SART1: variants seen among roughly 807,000 people sequenced by gnomAD.
The protein encoded by SART1 is spliceosome associated factor 1, recruiter of U4/U6.U5 tri-snRNP.
Under a neutral mutation model 105.0 loss-of-function variants are expected in SART1, and 28 were observed. The ratio of observed to expected loss-of-function variants is 0.27; its 90% CI spans 0.20 to 0.37. SART1 has a LOEUF of 0.37. Among genes scored for constraint, SART1 ranks in the 10% least tolerant of loss-of-function variants. The pLI, the probability that SART1 is intolerant of heterozygous loss-of-function variation, is 1.00. For missense variants in SART1, 894 were observed against 1,106.5 expected, an observed-to-expected ratio of 0.81 and a Z score of 2.72; for synonymous variants, 472 against 462.9, an observed-to-expected ratio of 1.02 and a Z score of -0.25.
intron 12 of SART1, among the ~76,000 whole-genome samples, chr11:65,969,178 G>A (rs899626474): frequency 6.6e-6 from 1 of 152,168 alleles, no homozygotes; most frequent in South Asian, 2.1e-4. Flanking sequence ...CGTATTTGAG[G>A]TTTAAGGGCA....
Position 65,972,893 on chromosome 11 carries a change from C to T in SART1, c.1573-3502C>T, listed in dbSNP as rs373968636. On this transcript the variant is annotated intron_variant, in intron 12 of 19. Coordinates refer to ENST00000312397, the MANE Select transcript of SART1 (RefSeq NM_005146.5). Reference sequence around the variant, plus strand: ...ACTACATAGAAATTGAGAACGTGGCCGGGCGCGATGGCTCACGCCTGTAAT... The same window carrying T: ...ACTACATAGAAATTGAGAACGTGGCTGGGCGCGATGGCTCACGCCTGTAAT... Among the ~76,000 whole-genome samples the T allele has an allele frequency of 2.3e-3, 355 of 152,102 alleles. 3 individuals are homozygous for T. Among genetic ancestry groups the T allele is most frequent in the African/African-American group, 6.9e-3 (288 of 41,504 alleles).
At position 65,964,586 on chromosome 11, in the gene SART1, AG is replaced by A; in HGVS notation, c.427+18del. On this transcript the variant is annotated intron_variant, in intron 3 of 19. Transcript: ENST00000312397. ...ATCAAGAAGGGTGAGTATGGGGCTGAGGATAGGGTTTGGGGGAAAGAGGCCA... is the reference window on the plus strand; with the variant it reads ...ATCAAGAAGGGTGAGTATGGGGCTGAGATAGGGTTTGGGGGAAAGAGGCCA... The A allele has an allele frequency of 6.2e-7, 1 of 1,600,826 alleles. No homozygotes were observed. Among genetic ancestry groups the A allele is most frequent in the Non-Finnish European group, 8.5e-7 (1 of 1,176,432 alleles).
At position 65,965,798 on chromosome 11, in the gene SART1, TGGTACA is replaced by T. The variant is rs1224254811; in HGVS notation, c.738+22_738+27del. ...GCGGCAGGTGAGGCTGCAGCAGGGGTGGTACAGGGGACACTGGTGGCCTTGCTACCG... is the reference window on the plus strand; with the variant it reads ...GCGGCAGGTGAGGCTGCAGCAGGGGTGGGGACACTGGTGGCCTTGCTACCG... On this transcript the variant is annotated intron_variant, in intron 6 of 19. Transcript: ENST00000312397. 3 of 1,613,004 alleles carry T rather than the reference TGGTACA, an allele frequency of 1.9e-6. No individual in the cohort carries two copies. Among genetic ancestry groups the T allele is most frequent in the Non-Finnish European group, 2.5e-6 (3 of 1,179,686 alleles).
At chr11:65,967,900 C>A in intron 12 of SART1, 79 bp downstream of exon 12, 8 of 1,088,902 alleles carry the variant, frequency 7.3e-6, no homozygotes, top group South Asian at 1.9e-5. Flanking sequence ...GCGACAGCCA[C>A]ATTCCTGTCT....
chr11:65,970,321 G>A (rs1004866258), intron 12 of SART1, among the ~76,000 whole-genome samples: 1 of 152,286 alleles, frequency 6.6e-6, no homozygotes, highest in East Asian at 1.9e-4. Flanking sequence ...ACATTTTCCA[G>A]TTATCCCCCA....
chr11:65,979,795 TA>T lies in SART1; in HGVS notation c.*768del, dbSNP rs1250895909. ...AGATTTTAAAAATGAAACCAAAAAA[TA>T]AATTGAAGAAAACTGTAAACTTTAA... On this transcript the variant is annotated 3_prime_UTR_variant, in exon 20 of 20. Transcript: ENST00000312397. 6.6e-6 allele frequency: 1 copy of T among 152,100 alleles called. No individual in the cohort carries two copies. Among genetic ancestry groups the T allele is most frequent in the African/African-American group, 2.4e-5 (1 of 41,406 alleles). 9.4% of individuals were successfully genotyped at this position (152,100 alleles called of 1,614,324 possible).
chr11:65,965,190 G>A lies in SART1; in HGVS notation c.526G>A (p.Glu176Lys). 1 of 1,607,912 alleles carries A rather than the reference G, an allele frequency of 6.2e-7. No individual in the cohort carries two copies. The highest frequency in any genetic ancestry group is 8.5e-7 in the Non-Finnish European group (1 of 1,178,626). Residue 176 changes from glutamate to lysine, a missense_variant, in exon 4 of 20, where the codon GAG becomes AAG. Glu to Lys is a moderately conservative substitution (Grantham distance 56, BLOSUM62 1). This residue lies in a region of SART1 where 712 missense variants were observed against 778.2 expected (regional missense o/e 0.91). Coordinates refer to ENST00000312397, the MANE Select transcript of SART1 (RefSeq NM_005146.5). ...GCGGGAGAAGCTGGCGGCTGCCAAGGAGAAGCGCCTGCTGAACCAAAAGCT... is the reference window on the plus strand; with the variant it reads ...GCGGGAGAAGCTGGCGGCTGCCAAGAAGAAGCGCCTGCTGAACCAAAAGCT... ...ELREKLAAAK[E>K]KRLLNQKLGK...
In SART1 at chr11:65,961,845, C is replaced by T. The variant is rs1435601681; in HGVS notation, c.65C>T (p.Thr22Ile). Reference sequence around the variant, plus strand: ...GCCGGGACGACGGCGGCGGCCGGCACCGGGGGTGCCACCGAGCAGCCGCCG... The same window carrying T: ...GCCGGGACGACGGCGGCGGCCGGCATCGGGGGTGCCACCGAGCAGCCGCCG... ...EAAGTTAAAG[T>I]GGATEQPPRH... The change falls in exon 1 of 20, where the codon ACC (threonine) becomes ATC (isoleucine). Residue 22 changes from threonine to isoleucine, a missense_variant. By Grantham distance (89) the Thr-to-Ile change is moderately conservative. Around this residue, in one of 2 missense-constraint regions of SART1, gnomAD observed 712 missense variants for 778.2 expected, o/e 0.91. Coordinates refer to ENST00000312397, the MANE Select transcript of SART1 (RefSeq NM_005146.5). 6 of 1,574,486 alleles carry T rather than the reference C, an allele frequency of 3.8e-6. No homozygotes were observed. The highest frequency in any genetic ancestry group is 1.4e-5 in the African/African-American group (1 of 70,668).
chr11:65,973,700 G>C lies in SART1; in HGVS notation c.1573-2695G>C, dbSNP rs941008869. On this transcript the variant is annotated intron_variant, in intron 12 of 19. Coordinates refer to ENST00000312397, the MANE Select transcript of SART1 (RefSeq NM_005146.5). Reference sequence around the variant, plus strand: ...CAGTGGGCCTGCAGCCGCAGTACTTGGGACAAAAAAAGTCCATCCTCAGTG... The same window carrying C: ...CAGTGGGCCTGCAGCCGCAGTACTTCGGACAAAAAAAGTCCATCCTCAGTG... Among the ~76,000 whole-genome samples the C allele has an allele frequency of 2.6e-5, 4 of 152,250 alleles. No homozygotes were observed. The East Asian group carries it at 7.7e-4, about 29-fold the overall frequency.
intron 1 of SART1, among the ~76,000 whole-genome samples, chr11:65,963,441 G>T (rs571972773): frequency 6.6e-6 from 1 of 152,064 alleles, no homozygotes. Context: ...GAGAAGGTAG[G>T]ATGCAGGATG....
At position 65,978,249 on chromosome 11, in the gene SART1, C is replaced by G; in HGVS notation, c.2172+350C>G. 2.0e-6 allele frequency: 1 copy of G among 498,670 alleles called. No individual in the cohort carries two copies. The highest frequency in any genetic ancestry group is 3.6e-6 in the Non-Finnish European group (1 of 275,340). 30.9% of individuals were successfully genotyped at this position (498,670 alleles called of 1,614,324 possible). ...CCCTTCCAGCACTCTCGTAGGCCGC[C>G]CGACCGTCCTGCCCTACCACTCAGC... On this transcript the variant is annotated intron_variant, in intron 17 of 19. Coordinates refer to ENST00000312397, the MANE Select transcript of SART1 (RefSeq NM_005146.5). The surrounding 1 kb of genome is among the most constrained non-coding windows in gnomAD (Gnocchi z 6.8).
chr11:65,962,134 G>GGGGCCCCC, intron 1 of SART1, 41 bp downstream of exon 1: 1 of 378,092 alleles, frequency 2.6e-6, no homozygotes, highest in Non-Finnish European at 4.8e-6. Flanking sequence ...GTCGGGCGGG[G>GGGGCCCCC]GTCCCGGAAC....
chr11:65,974,664 G>A (rs540851048), intron 12 of SART1, among the ~76,000 whole-genome samples: 2 of 152,286 alleles, frequency 1.3e-5, no homozygotes, highest in African/African-American at 4.8e-5. Context: ...GGGTGATAGA[G>A]TGAGATGGTC....
chr11:65,975,748 G>A (rs1034038923), intron 12 of SART1, among the ~76,000 whole-genome samples: 9 of 152,108 alleles, frequency 5.9e-5, no homozygotes, highest in Non-Finnish European at 1.3e-4. Flanking sequence ...TGAGGAGTGA[G>A]GACTTTGCTG....
intron 1 of SART1, among the ~76,000 whole-genome samples, chr11:65,963,723 A>G (rs1855192646): frequency 6.6e-6 from 1 of 152,128 alleles, no homozygotes; most frequent in Admixed American, 6.5e-5. Flanking sequence ...CTCGTGATCC[A>G]TCTGCCTCGG....
At chr11:65,975,410 A>ATTTTT (rs531946236) in intron 12 of SART1, among the ~76,000 whole-genome samples, 2 of 110,138 alleles carry the variant, frequency 1.8e-5, no homozygotes, top group Non-Finnish European at 1.8e-5. Context: ...CCCTGGAAGA[A>ATTTTT]TTTTTTTTTT....
At chr11:65,966,644 G>A in intron 9 of SART1, 88 bp downstream of exon 9, 1 of 1,368,690 alleles carries the variant, frequency 7.3e-7, no homozygotes, top group Non-Finnish European at 9.6e-7. Context: ...AGAAGACAGG[G>A]CGAGTATTTG....
rs754872648 is a variant in SART1, at chr11:65,978,660, C to T, written c.2233C>T (p.Arg745Trp). ...GKGSGKMKTE[R>W]RMKKLDEEAL... ...GGGCTCAGGCAAGATGAAGACAGAG[C>T]GGCGGATGAAGAAGCTGGACGAGGA... The change falls in exon 18 of 20, where the codon CGG becomes TGG. Residue 745 changes from arginine to tryptophan, a missense_variant. Physicochemically the swap from Arg to Trp is moderately radical, Grantham distance 101 (BLOSUM62 -3). Around this residue, in one of 2 missense-constraint regions of SART1, gnomAD observed 182 missense variants for 328.3 expected, o/e 0.55. Transcript: ENST00000312397. The surrounding 1 kb of genome is among the most constrained non-coding windows in gnomAD (Gnocchi z 6.8). 6 of 1,596,340 alleles carry T rather than the reference C, an allele frequency of 3.8e-6. No homozygotes were observed. The highest frequency in any genetic ancestry group is 2.3e-5 in the East Asian group (1 of 43,884).
Position 65,966,664 on chromosome 11 carries a change from AGCGCTTG to A in SART1, c.1188+111_1188+117del, listed in dbSNP as rs1442506400. The A allele has an allele frequency of 4.6e-6, 6 of 1,297,448 alleles. No individual in the cohort carries two copies. In the African/African-American group the frequency reaches 9.0e-5, roughly 19 times the overall value. 80.4% of individuals were successfully genotyped at this position (1,297,448 alleles called of 1,614,324 possible). On this transcript the variant is annotated intron_variant, in intron 9 of 19. Transcript: ENST00000312397. Reference sequence around the variant, plus strand: ...ACAGGGCGAGTATTTGTGTTCACAAAGCGCTTGGCCTCGCGGGTGAGCACTAAATGGC... The same window carrying A: ...ACAGGGCGAGTATTTGTGTTCACAAAGCCTCGCGGGTGAGCACTAAATGGC...
Sources: gnomAD v4.1 joint callset for allele counts (sites outside exome capture counted in the v4.1 genomes callset) on GRCh38, gnomAD v4.1.1 for gene constraint, gnomAD v4.1.1 regional missense constraint, Gnocchi (gnomAD v3.1) non-coding constraint, MANE v1.5 for transcripts, NCBI Gene and HGNC (gene_info 2026-07-23, HGNC 2026-07-21) for gene names.